Variants in FABP12 observed in about 807,000 individuals in gnomAD.
The protein encoded by FABP12 is fatty acid-binding protein 12.
Under a neutral mutation model 13.7 loss-of-function variants are expected in FABP12, and 19 were observed. The ratio of observed to expected loss-of-function variants is 1.39; its 90% CI spans 0.97 to 2.04. FABP12 has a LOEUF of 2.04. FABP12 is among the 30% of genes most tolerant of loss of function. The pLI is 0.00. For synonymous variants in FABP12, 61 were observed against 57.0 expected (o/e 1.07, Z -0.32); for missense variants, 182 against 164.2 (o/e 1.11, Z -0.59).
chr8:81,555,010 A>T (rs1216005208), intron 1 of FABP12, among the ~76,000 whole-genome samples: 3 of 152,132 alleles, frequency 2.0e-5, no homozygotes. Flanking sequence ...CAGGGCACAC[A>T]CTTTCATGTT....
At chr8:81,566,517 G>C (rs1015236163) in intron 1 of FABP12, among the ~76,000 whole-genome samples, 2 of 151,998 alleles carry the variant, frequency 1.3e-5, no homozygotes, top group Admixed American at 6.5e-5. Flanking sequence ...CTCAACATAT[G>C]CAAATCAATC....
intron 1 of FABP12, among the ~76,000 whole-genome samples, chr8:81,543,841 T>G (rs1052938981): frequency 2.7e-5 from 4 of 148,220 alleles, no homozygotes; most frequent in Admixed American, 1.3e-4. Flanking sequence ...ATATCAGAAA[T>G]TATTGTAAAG....
At chr8:81,530,703 A>T (rs754695731) in intron 2 of FABP12, among the ~76,000 whole-genome samples, 1 of 152,192 alleles carries the variant, frequency 6.6e-6, no homozygotes, top group Non-Finnish European at 1.5e-5. Context: ...TGGTTAATTT[A>T]AGGATCTTGA....
At chr8:81,549,879 CT>C (rs989704491) in intron 1 of FABP12, among the ~76,000 whole-genome samples, 1 of 152,164 alleles carries the variant, frequency 6.6e-6, no homozygotes, top group African/African-American at 2.4e-5. Context: ...ATTTTCAAAA[CT>C]TTTTGCTCAC....
At chr8:81,527,494 C>T (rs980728300) in intron 3 of FABP12, among the ~76,000 whole-genome samples, 3 of 152,122 alleles carry the variant, frequency 2.0e-5, no homozygotes, top group African/African-American at 7.2e-5. Context: ...TCCCAAATAG[C>T]TGGGATTACA....
intron 1 of FABP12, among the ~76,000 whole-genome samples, chr8:81,556,491 T>C (rs969322423): frequency 6.6e-6 from 1 of 152,098 alleles, no homozygotes; most frequent in African/African-American, 2.4e-5. Context: ...ATAGCATATA[T>C]AGCAATTCAT....
At chr8:81,529,392 C>A (rs1379398905) in intron 3 of FABP12, 46 bp downstream of exon 3, 1 of 1,585,616 alleles carries the variant, frequency 6.3e-7, no homozygotes, top group Non-Finnish European at 8.7e-7. Context: ...TGATATCTGA[C>A]TAACATTCTT....
At chr8:81,550,059 T>G (rs577174428) in intron 1 of FABP12, among the ~76,000 whole-genome samples, 42 of 152,298 alleles carry the variant, frequency 2.8e-4, no homozygotes, top group African/African-American at 9.4e-4. Flanking sequence ...TCTGAATTTG[T>G]CTCAAATCTG....
At chr8:81,553,596 A>C (rs1312494217) in intron 1 of FABP12, among the ~76,000 whole-genome samples, 1 of 152,188 alleles carries the variant, frequency 6.6e-6, no homozygotes, top group Non-Finnish European at 1.5e-5. Context: ...TTACACAGGG[A>C]ATTTGTACTT....
chr8:81,556,040 C>A (rs148156370), intron 1 of FABP12, among the ~76,000 whole-genome samples: 1 of 152,156 alleles, frequency 6.6e-6, no homozygotes, highest in East Asian at 1.9e-4. Flanking sequence ...ATGAGCAGAA[C>A]AAAATGTGCC....
intron 1 of FABP12, among the ~76,000 whole-genome samples, chr8:81,547,251 G>A (rs1206278230): frequency 3.9e-5 from 6 of 152,190 alleles, no homozygotes; most frequent in Non-Finnish European, 7.3e-5. Flanking sequence ...GCACACCACC[G>A]GCAAATGTGG....
At chr8:81,527,942 G>A (rs1298755015) in intron 3 of FABP12, among the ~76,000 whole-genome samples, 1 of 152,040 alleles carries the variant, frequency 6.6e-6, no homozygotes. Flanking sequence ...CTGGGCAACA[G>A]AGACCCTGTC....
At chr8:81,528,895 C>T (rs1430930860) in intron 3 of FABP12, among the ~76,000 whole-genome samples, 1 of 152,048 alleles carries the variant, frequency 6.6e-6, no homozygotes, top group Non-Finnish European at 1.5e-5. Context: ...TGGCATGGAT[C>T]CCTGAGAGAT....
chr8:81,578,822 A>AATTTCT (rs1176379099), intron 1 of FABP12, among the ~76,000 whole-genome samples: 722 of 13,244 alleles, frequency 0.055, 5 homozygotes, highest in East Asian at 0.22. Flanking sequence ...CATTTGTTCA[A>AATTTCT]GTTTTTTTTT....
chr8:81,552,617 A>G (rs911414172), intron 1 of FABP12, among the ~76,000 whole-genome samples: 2 of 152,172 alleles, frequency 1.3e-5, no homozygotes, highest in African/African-American at 4.8e-5. Flanking sequence ...ACACTGGATG[A>G]ATTTGTGAGA....
At chr8:81,550,947 A>G (rs919149052) in intron 1 of FABP12, among the ~76,000 whole-genome samples, 1 of 152,132 alleles carries the variant, frequency 6.6e-6, no homozygotes, top group Admixed American at 6.5e-5. Flanking sequence ...AGACAACTCT[A>G]TTACATAATT....
intron 4 of FABP12, among the ~76,000 whole-genome samples, chr8:81,525,334 G>A (rs1354790667): frequency 3.3e-5 from 5 of 152,100 alleles, no homozygotes; most frequent in South Asian, 2.1e-4. Flanking sequence ...TGGCCAACAC[G>A]GTGAAACCCC....
chr8:81,538,467 G>A (rs1257183075), upstream of FABP12, among the ~76,000 whole-genome samples: 1 of 152,162 alleles, frequency 6.6e-6, no homozygotes, highest in Non-Finnish European at 1.5e-5. Flanking sequence ...TTGGATTTAG[G>A]CAAACTCTAA....
At chr8:81,566,733 T>A (rs1402658349) in intron 1 of FABP12, among the ~76,000 whole-genome samples, 1 of 152,154 alleles carries the variant, frequency 6.6e-6, no homozygotes, top group Non-Finnish European at 1.5e-5. Flanking sequence ...AAAGCTTTTA[T>A]TCTAAGATTT....
Sources: allele counts gnomAD v4.1 joint callset (sites outside exome capture counted in the v4.1 genomes callset), GRCh38; gene constraint gnomAD v4.1.1; transcripts MANE v1.5; gene names NCBI Gene and HGNC (gene_info 2026-07-23, HGNC 2026-07-21).